FABP7: variants seen among roughly 807,000 people sequenced by gnomAD.
FABP7 encodes fatty acid-binding protein, brain.
Under a neutral mutation model 14.2 loss-of-function variants are expected in FABP7, and 13 were observed. The ratio of observed to expected loss-of-function variants is 0.91; its 90% confidence interval spans 0.59 to 1.45. The LOEUF (loss-of-function observed/expected upper bound fraction) is 1.45. FABP7 is among the 40% of genes most tolerant of loss of function. The pLI, the probability that FABP7 is intolerant of heterozygous loss-of-function variation, is 0.00. For synonymous variants in FABP7, 49 were observed against 51.4 expected, an observed-to-expected ratio of 0.95 and a Z score of 0.20; for missense variants, 149 against 157.6, an observed-to-expected ratio of 0.95 and a Z score of 0.29.
the FABP7 span, among the ~76,000 whole-genome samples, chr6:122,759,390 T>G: frequency 1.3e-5 from 2 of 152,200 alleles, no homozygotes; most frequent in African/African-American, 2.4e-5. Context: ...AAAACTGATT[T>G]CCAACAAAGG....
chr6:122,761,261 T>C, the FABP7 span, among the ~76,000 whole-genome samples: 1 of 152,106 alleles, frequency 6.6e-6, no homozygotes, highest in African/African-American at 2.4e-5. Context: ...TGAGGTTAAA[T>C]TTGAAAATGA....
At chr6:122,755,274 G>C in the FABP7 span, among the ~76,000 whole-genome samples, 1 of 151,750 alleles carries the variant, frequency 6.6e-6, no homozygotes, top group Non-Finnish European at 1.5e-5. Flanking sequence ...CCTACTCTGG[G>C]CTGCATTTGA....
intron 3 of FABP7, chr6:122,782,765 C>T: frequency 1.0e-6 from 1 of 985,368 alleles, no homozygotes; most frequent in Non-Finnish European, 1.2e-6. Context: ...CAGCACTGTT[C>T]TGCATTGAGA....
chr6:122,782,532 C>T, intron 3 of FABP7: 1 of 983,990 alleles, frequency 1.0e-6, no homozygotes, highest in Non-Finnish European at 1.2e-6. Flanking sequence ...GGAGTAGTAT[C>T]ACAAACTAGG....
chr6:122,765,533 A>T, the FABP7 span, among the ~76,000 whole-genome samples: 1 of 151,920 alleles, frequency 6.6e-6, no homozygotes, highest in Non-Finnish European at 1.5e-5. Context: ...TGTGCCTCTT[A>T]GGCTATCTAT....
At chr6:122,779,232 A>G (rs1377343013), upstream of FABP7, among the ~76,000 whole-genome samples, 1 of 152,142 alleles carries the variant, frequency 6.6e-6, no homozygotes, top group Non-Finnish European at 1.5e-5. Flanking sequence ...AGAGAAAATA[A>G]CACACACTAT....
At chr6:122,766,453 A>G in the FABP7 span, among the ~76,000 whole-genome samples, 1 of 152,086 alleles carries the variant, frequency 6.6e-6, no homozygotes, top group East Asian at 1.9e-4. Flanking sequence ...ATATTGCCAG[A>G]TTTCTGGTTG....
At chr6:122,756,692 T>C in the FABP7 span, among the ~76,000 whole-genome samples, 1 of 152,192 alleles carries the variant, frequency 6.6e-6, no homozygotes, top group African/African-American at 2.4e-5. Flanking sequence ...TTAGTTTCTC[T>C]TAAAGCCACT....
At chr6:122,777,315 C>T (rs1780690997), upstream of FABP7, among the ~76,000 whole-genome samples, 2 of 152,102 alleles carry the variant, frequency 1.3e-5, no homozygotes. Context: ...AAACAGTCAT[C>T]GGAATTTTAG....
the FABP7 span, among the ~76,000 whole-genome samples, chr6:122,766,275 C>T: frequency 6.6e-6 from 1 of 152,072 alleles, no homozygotes; most frequent in African/African-American, 2.4e-5. Context: ...TTCAAGATGA[C>T]AGCAACTTTT....
the FABP7 span, among the ~76,000 whole-genome samples, chr6:122,749,515 C>T: frequency 2.4e-4 from 36 of 152,060 alleles, no homozygotes; most frequent in African/African-American, 8.0e-4. Flanking sequence ...TCTTAAGGTC[C>T]GATGCTCCAA....
upstream of FABP7, among the ~76,000 whole-genome samples, chr6:122,777,845 A>AAAATAAATAAATAAATAAATAAATAAAT (rs56666229): frequency 3.7e-3 from 530 of 143,824 alleles, 2 homozygotes; most frequent in East Asian, 8.1e-3. Context: ...CCTTTCTCCA[A>AAAATAAATAAATAAATAAATAAATAAAT]AAATAAATAA....
At position 122,780,198 on chromosome 6, in the gene FABP7, A is replaced by G. The variant is rs141846311; in HGVS notation, c.74-93A>G. 470 of 1,315,428 alleles carry G rather than the reference A, an allele frequency of 3.6e-4. 1 individual carries two copies. In the African/African-American group the frequency reaches 5.7e-3, roughly 16 times the overall value. The allele number at this position is 1,315,428 out of a possible 1,614,324, so 81.5% of individuals were successfully genotyped here. On this transcript the variant is annotated intron_variant, in intron 1 of 3. Transcript: ENST00000368444. ...CATGTTCTAATGAAACTTACACTTT[A>G]GAACGTGGATTCCAGAATCAGAAAG...
At chr6:122,779,152 A>G (rs568591063), upstream of FABP7, among the ~76,000 whole-genome samples, 8 of 152,116 alleles carry the variant, frequency 5.3e-5, no homozygotes, top group South Asian at 1.2e-3. Flanking sequence ...GAAGGCATTT[A>G]CACCTCCTCC....
chr6:122,767,770 AAG>A, the FABP7 span, among the ~76,000 whole-genome samples: 1 of 150,502 alleles, frequency 6.6e-6, no homozygotes, highest in Non-Finnish European at 1.5e-5. Context: ...AAAAAAAAAA[AAG>A]AAGAGAGAGA....
At chr6:122,759,934 T>A in the FABP7 span, among the ~76,000 whole-genome samples, 1 of 151,796 alleles carries the variant, frequency 6.6e-6, no homozygotes, top group East Asian at 1.9e-4. Flanking sequence ...GCCTGGCCAA[T>A]ATGGTGAAAC....
At chr6:122,752,767 C>CA in the FABP7 span, among the ~76,000 whole-genome samples, 1 of 152,168 alleles carries the variant, frequency 6.6e-6, no homozygotes, top group South Asian at 2.1e-4. Flanking sequence ...AGTTTACAGA[C>CA]AGTGTAGTCT....
upstream of FABP7, among the ~76,000 whole-genome samples, chr6:122,777,376 C>T (rs918888028): frequency 1.3e-5 from 2 of 152,040 alleles, no homozygotes; most frequent in African/African-American, 4.8e-5. Context: ...GAGCAGACCC[C>T]CTTTTGGCCA....
rs759784952 is a variant in FABP7 at position 122,779,785 on chromosome 6, A to G, written c.-10A>G. The G allele has an allele frequency of 6.2e-7, 1 of 1,614,060 alleles. No homozygotes were observed. The highest frequency in any genetic ancestry group is 1.1e-5 in the South Asian group (1 of 91,050). On this transcript the variant is annotated 5_prime_UTR_variant, in exon 1 of 4. Transcript: ENST00000368444. ...CCCGCTCCTGTCTCTAAAGAGGGGA[A>G]AGGGCAAGGATGGTGGAGGCTTTCT... is the stretch of plus-strand genomic sequence containing the variant.
Sources: gnomAD v4.1 joint callset for allele counts (sites outside exome capture counted in the v4.1 genomes callset) on GRCh38, gnomAD v4.1.1 for gene constraint, MANE v1.5 for transcripts, NCBI Gene and HGNC (gene_info 2026-07-23, HGNC 2026-07-21) for gene names.